MAN2A1: variants seen among roughly 807,000 people sequenced by gnomAD.
The protein encoded by MAN2A1 is alpha-mannosidase 2.
A neutral mutation model predicts 142.6 loss-of-function variants in MAN2A1; 76 were observed. The ratio of observed to expected loss-of-function variants is 0.53; its 90% CI spans 0.44 to 0.65. The LOEUF (loss-of-function observed/expected upper bound fraction) is 0.65. Ranked by LOEUF, MAN2A1 falls within the 30% of genes least tolerant of loss-of-function variation. MAN2A1 has a pLI of 0.00. For synonymous variants in MAN2A1, 559 were observed against 473.2 expected (o/e 1.18, Z -2.35); for missense variants, 1,311 against 1,365.1 (o/e 0.96, Z 0.62).
chr5:109,815,329 C>A (rs889804934), intron 12 of MAN2A1, among the ~76,000 whole-genome samples: 5 of 152,128 alleles, frequency 3.3e-5, no homozygotes, highest in African/African-American at 1.2e-4. Context: ...CATCACCCTC[C>A]CTCGCCTTGA....
intron 4 of MAN2A1, among the ~76,000 whole-genome samples, chr5:109,752,656 A>G (rs938305871): frequency 6.6e-6 from 1 of 152,180 alleles, no homozygotes; most frequent in African/African-American, 2.4e-5. Context: ...CTCTGAGCTG[A>G]GCTATGAGGG....
intron 12 of MAN2A1, among the ~76,000 whole-genome samples, chr5:109,810,355 T>A (rs1754283718): frequency 6.6e-6 from 1 of 152,164 alleles, no homozygotes; most frequent in Admixed American, 6.6e-5. Flanking sequence ...TATGTTAAAT[T>A]GAGACTGATT....
chr5:109,764,666 G>A (rs1409237781), intron 5 of MAN2A1, among the ~76,000 whole-genome samples: 2 of 152,072 alleles, frequency 1.3e-5, no homozygotes, highest in Admixed American at 6.5e-5. Context: ...CAGCTAGGTT[G>A]CTACCCCTCT....
At chr5:109,786,770 C>T (rs1753605540) in intron 10 of MAN2A1, among the ~76,000 whole-genome samples, 1 of 151,962 alleles carries the variant, frequency 6.6e-6, no homozygotes, top group Non-Finnish European at 1.5e-5. Context: ...TCAAATTTGG[C>T]AGAAATATCA....
At chr5:109,822,108 A>G (rs1754639886) in intron 15 of MAN2A1, among the ~76,000 whole-genome samples, 1 of 151,184 alleles carries the variant, frequency 6.6e-6, no homozygotes, top group South Asian at 2.1e-4. Context: ...AGGCTACAGT[A>G]AGGACTCTAG....
At chr5:109,767,835 C>A in intron 6 of MAN2A1, 127 bp downstream of exon 6, 1 of 701,280 alleles carries the variant, frequency 1.4e-6, no homozygotes, top group Non-Finnish European at 2.4e-6. Context: ...TAAAGATAGT[C>A]ACTCTCGTAA....
chr5:109,817,531 C>T, intron 13 of MAN2A1, 93 bp downstream of exon 13: 2 of 1,262,770 alleles, frequency 1.6e-6, no homozygotes, highest in Non-Finnish European at 2.2e-6. Flanking sequence ...ATTTAGCCAT[C>T]ATGTTGGTGT....
At chr5:109,753,440 A>C (rs1427369938) in intron 4 of MAN2A1, among the ~76,000 whole-genome samples, 2 of 152,172 alleles carry the variant, frequency 1.3e-5, no homozygotes, top group African/African-American at 4.8e-5. Flanking sequence ...GGCCTTTGAG[A>C]ATCTGAAGTT....
At chr5:109,697,605 G>T (rs1376093827) in intron 1 of MAN2A1, among the ~76,000 whole-genome samples, 2 of 152,138 alleles carry the variant, frequency 1.3e-5, no homozygotes, top group African/African-American at 4.8e-5. Context: ...CATAGCCATG[G>T]TCATTCATCT....
At chr5:109,751,738 T>C (rs1006733854) in intron 4 of MAN2A1, among the ~76,000 whole-genome samples, 3 of 152,160 alleles carry the variant, frequency 2.0e-5, no homozygotes, top group Non-Finnish European at 2.9e-5. Context: ...TCTTTATTAC[T>C]CTTCTCTAGA....
chr5:109,714,082 A>AT (rs970149516), intron 2 of MAN2A1, among the ~76,000 whole-genome samples: 33 of 149,932 alleles, frequency 2.2e-4, no homozygotes, highest in South Asian at 2.1e-4. Flanking sequence ...TTTGCCAGAG[A>AT]TTTTTTTTTA....
chr5:109,855,246 C>A lies in MAN2A1; in HGVS notation c.3083C>A (p.Thr1028Asn). ...ATGGCAAATAAGTTCTCCTCACCTACCCTTGAGCTGCAAGGTGAATTCTCT... is the reference window on the plus strand; with the variant it reads ...ATGGCAAATAAGTTCTCCTCACCTAACCTTGAGCTGCAAGGTGAATTCTCT... Reference protein sequence around the residue: ...IPMANKFSSPTLELQGEFSPL... With the variant: ...IPMANKFSSPNLELQGEFSPL... The change falls in exon 20 of 22, where the codon ACC becomes AAC. Residue 1028 changes from threonine to asparagine, a missense_variant. Around this residue, in one of 3 missense-constraint regions of MAN2A1, gnomAD observed 890 missense variants for 920.5 expected, o/e 0.97. Coordinates refer to ENST00000261483, the MANE Select transcript of MAN2A1 (RefSeq NM_002372.4). The A allele has an allele frequency of 6.2e-7, 1 of 1,608,070 alleles. No individual in the cohort carries two copies. The highest frequency in any genetic ancestry group is 8.5e-7 in the Non-Finnish European group (1 of 1,177,742).
At chr5:109,740,291 A>T (rs1752230467) in intron 4 of MAN2A1, among the ~76,000 whole-genome samples, 1 of 152,138 alleles carries the variant, frequency 6.6e-6, no homozygotes, top group Non-Finnish European at 1.5e-5. Context: ...AGAAGAGAGG[A>T]GCTGGGGCTA....
chr5:109,790,118 G>T (rs1301049032), intron 12 of MAN2A1, among the ~76,000 whole-genome samples: 3 of 151,784 alleles, frequency 2.0e-5, no homozygotes, highest in African/African-American at 7.2e-5. Flanking sequence ...TCTTTAAACA[G>T]CAAGGTATCT....
intron 9 of MAN2A1, among the ~76,000 whole-genome samples, chr5:109,783,101 G>A (rs1454735655): frequency 6.6e-6 from 1 of 152,120 alleles, no homozygotes; most frequent in Non-Finnish European, 1.5e-5. Context: ...TGTAGAGATC[G>A]TTTTGGACCA....
At chr5:109,738,500 G>A (rs969084297) in intron 4 of MAN2A1, among the ~76,000 whole-genome samples, 4 of 151,992 alleles carry the variant, frequency 2.6e-5, no homozygotes, top group African/African-American at 9.7e-5. Flanking sequence ...TTACTTGAAG[G>A]ACAGTCAGCT....
chr5:109,726,061 A>G (rs1420277663), intron 3 of MAN2A1, among the ~76,000 whole-genome samples: 1 of 152,182 alleles, frequency 6.6e-6, no homozygotes, highest in Non-Finnish European at 1.5e-5. Context: ...GGAAAAGAAT[A>G]AATTGAAAGG....
At chr5:109,740,569 G>A (rs956602515) in intron 4 of MAN2A1, among the ~76,000 whole-genome samples, 1 of 152,200 alleles carries the variant, frequency 6.6e-6, no homozygotes, top group African/African-American at 2.4e-5. Flanking sequence ...GACTGCCTCT[G>A]CAGCAGTCAC....
chr5:109,831,008 G>A (rs1481262865), intron 16 of MAN2A1, among the ~76,000 whole-genome samples: 1 of 152,194 alleles, frequency 6.6e-6, no homozygotes, highest in Non-Finnish European at 1.5e-5. Context: ...CAGGTGAAGG[G>A]CACAGGGATG....
Sources: allele counts gnomAD v4.1 joint callset (sites outside exome capture counted in the v4.1 genomes callset), GRCh38; gene constraint gnomAD v4.1.1; regional missense constraint gnomAD v4.1.1; transcripts MANE v1.5; gene names NCBI Gene and HGNC (gene_info 2026-07-23, HGNC 2026-07-21).